The following RTN4 variants were observed in gnomAD, a reference collection of about 807,000 sequenced individuals.
RTN4 encodes the protein reticulon 4.
RTN4 carries 32 observed loss-of-function variants against 90.4 expected under a neutral mutation model. That is an observed-to-expected ratio of 0.35 (90% CI 0.27 to 0.48). The LOEUF (loss-of-function observed/expected upper bound fraction) is 0.48, where lower values mean the gene tolerates loss of function less well. RTN4 is among the 20% of genes least tolerant of loss of function. The probability of loss-of-function intolerance (pLI) is 0.99; values close to 1 mark genes in which losing one functional copy is unlikely to be tolerated. For missense variants in RTN4, 1,706 were observed against 1,430.2 expected, an observed-to-expected ratio of 1.19 and a Z score of -3.11; for synonymous variants, 629 against 552.5, an observed-to-expected ratio of 1.14 and a Z score of -1.94.
Position 55,026,367 on chromosome 2 carries a change from C to T in RTN4, c.1732G>A (p.Asp578Asn). 6.2e-7 allele frequency: 1 copy of T among 1,613,884 alleles called. No individual in the cohort carries two copies. The highest frequency in any genetic ancestry group is 8.5e-7 in the Non-Finnish European group (1 of 1,179,892). The change falls in exon 3 of 9, where the codon GAC (aspartate) becomes AAC (asparagine). Residue 578 changes from aspartate (D) to asparagine (N), a missense_variant. Physicochemically the swap from Asp to Asn is conservative, Grantham distance 23. Coordinates refer to ENST00000337526, the MANE Select transcript of RTN4 (RefSeq NM_020532.5). ...ATAACTTCTGATGTTTGAACCAAGT[C>T]CATTTTTGTTTCATAAGCAATCTTT... ...GTKIAYETKM[D>N]LVQTSEVMQE...
intron 1 of RTN4, among the ~76,000 whole-genome samples, chr2:55,037,459 T>G (rs1682770581): frequency 6.6e-6 from 1 of 152,228 alleles, no homozygotes. Flanking sequence ...TTCCCTAAGC[T>G]TAAGATTTCT....
chr2:55,108,708 A>G (rs1667986589), intron 1 of RTN4, among the ~76,000 whole-genome samples: 1 of 152,138 alleles, frequency 6.6e-6, no homozygotes, highest in African/African-American at 2.4e-5. Context: ...AGAAATAAAT[A>G]TTTAGGTTGG....
At chr2:54,977,544 A>G (rs2104615623) in intron 5 of RTN4, among the ~76,000 whole-genome samples, 1 of 152,198 alleles carries the variant, frequency 6.6e-6, no homozygotes, top group East Asian at 1.9e-4. Context: ...AAATTATTAG[A>G]CAGCTTTTTG....
upstream of RTN4, chr2:55,050,734 A>T (rs913103966): frequency 6.5e-6 from 1 of 153,822 alleles, no homozygotes; most frequent in Non-Finnish European, 1.4e-5. The surrounding 1 kb of genome is among the most constrained non-coding windows in gnomAD (Gnocchi z 4.6). Context: ...GATTGCGTTC[A>T]ATGGGCGGGG....
Position 55,026,035 on chromosome 2 carries a change from T to C in RTN4, c.2064A>G (p.Gln688=), listed in dbSNP as rs753403397. ...KEPENINAAL[Q]ETEAPYISIA... ...TAGATATATAAGGAGCTTCTGTTTCTTGAAGAGCTGCATTAATATTTTCAG... is the reference window on the plus strand; with the variant it reads ...TAGATATATAAGGAGCTTCTGTTTCCTGAAGAGCTGCATTAATATTTTCAG... The change falls in exon 3 of 9, where the codon CAA becomes CAG. Residue 688 remains glutamine, a synonymous_variant. Coordinates refer to ENST00000337526, the MANE Select transcript of RTN4 (RefSeq NM_020532.5). 8.7e-6 allele frequency: 14 copies of C among 1,611,376 alleles called. No individual in the cohort carries two copies. The highest frequency in any genetic ancestry group is 1.1e-5 in the Non-Finnish European group (13 of 1,179,358).
intron 1 of RTN4, among the ~76,000 whole-genome samples, chr2:55,102,838 G>T (rs1667875974): frequency 6.6e-6 from 1 of 152,104 alleles, no homozygotes; most frequent in Admixed American, 6.5e-5. Context: ...TACTATCGTG[G>T]CCGGGTGCGG....
intron 3 of RTN4, among the ~76,000 whole-genome samples, chr2:55,005,884 G>A (rs181204752): frequency 1.3e-5 from 2 of 152,202 alleles, no homozygotes; most frequent in Non-Finnish European, 2.9e-5. Context: ...AAGTATTTAT[G>A]TGTGGAATTT....
chr2:55,054,703 A>G (rs529486429), upstream of RTN4, among the ~76,000 whole-genome samples: 1 of 152,266 alleles, frequency 6.6e-6, no homozygotes, highest in Non-Finnish European at 1.5e-5. Flanking sequence ...AGAGCAGTCA[A>G]CCACAGCTTT....
chr2:55,050,803 G>C (rs1217703141), upstream of RTN4: 1 of 64,396 alleles, frequency 1.6e-5, no homozygotes, highest in African/African-American at 7.3e-5. This position sits in a 1 kb window ranked among gnomAD's most constrained non-coding sequence, Gnocchi z 4.6. Flanking sequence ...TGGGGTCTTG[G>C]CCTTGCCCGC....
intron 3 of RTN4, among the ~76,000 whole-genome samples, chr2:55,023,916 C>A (rs905154946): frequency 4.6e-5 from 7 of 152,070 alleles, no homozygotes; most frequent in Non-Finnish European, 8.8e-5. Flanking sequence ...AAGTAGTCCT[C>A]TTCTCTTGAT....
intron 3 of RTN4, among the ~76,000 whole-genome samples, chr2:55,003,846 G>A (rs908846463): frequency 3.3e-5 from 5 of 152,160 alleles, no homozygotes; most frequent in Middle Eastern, 3.4e-3. Flanking sequence ...TAGGTTTTAC[G>A]AAAATACTGC....
chr2:55,066,551 C>T (rs982765698), intron 2 of RTN4, among the ~76,000 whole-genome samples: 6 of 151,904 alleles, frequency 3.9e-5, no homozygotes, highest in Middle Eastern at 3.4e-3. Context: ...AAAAATTATC[C>T]GGGCATGGTG....
In RTN4 at chr2:55,049,842, G is replaced by A; in HGVS notation, c.459C>T (p.Pro153=). ...PPPPPPASVS[P]QAEPVWTPPA... ...GCGGGGTCCACACGGGCTCTGCCTG[G>A]GGGCTCACGCTGGCCGGGGGAGGAG... Residue 153 remains proline, a synonymous_variant, in exon 1 of 9, where the codon CCC becomes CCT. Coordinates refer to ENST00000337526, the MANE Select transcript of RTN4 (RefSeq NM_020532.5). 7.6e-7 allele frequency: 1 copy of A among 1,316,518 alleles called. No homozygotes were observed. The highest frequency in any genetic ancestry group is 9.6e-7 in the Non-Finnish European group (1 of 1,036,512). 81.6% of individuals were successfully genotyped at this position (1,316,518 alleles called of 1,614,324 possible). A position where few individuals can be genotyped will look rare whatever the true frequency, so the allele number is the denominator to read the frequency against.
the RTN4 span, among the ~76,000 whole-genome samples, chr2:55,131,745 G>T: frequency 6.6e-6 from 1 of 152,010 alleles, no homozygotes; most frequent in Admixed American, 6.5e-5. Context: ...TTAGCCGGGC[G>T]TGGTGGTGTG....
At chr2:55,050,988 T>C (rs1668075989), upstream of RTN4, among the ~76,000 whole-genome samples, 1 of 152,192 alleles carries the variant, frequency 6.6e-6, no homozygotes, top group African/African-American at 2.4e-5. The surrounding 1 kb of genome is among the most constrained non-coding windows in gnomAD (Gnocchi z 4.6). Context: ...TTAGCGGGAC[T>C]GGGAAGTGGG....
intron 1 of RTN4, chr2:55,049,193 G>C: frequency 1.0e-6 from 1 of 986,592 alleles, no homozygotes; most frequent in Non-Finnish European, 1.2e-6. Flanking sequence ...ACGAGCACAG[G>C]AGGAGGGGGA....
chr2:55,077,816 G>A (rs957497900), intron 2 of RTN4, among the ~76,000 whole-genome samples: 14 of 144,604 alleles, frequency 9.7e-5, no homozygotes, highest in Admixed American at 3.5e-4. Context: ...AATACTACTC[G>A]GCCATAAAAA....
chr2:55,042,008 A>C (rs1683107837), intron 1 of RTN4, among the ~76,000 whole-genome samples: 1 of 152,118 alleles, frequency 6.6e-6, no homozygotes, highest in Non-Finnish European at 1.5e-5. Context: ...GTGAATCTAC[A>C]TACATGAGAC....
At chr2:55,028,332 T>C in intron 1 of RTN4, 112 bp from the exon 2 acceptor site, 2 of 868,106 alleles carry the variant, frequency 2.3e-6, no homozygotes, top group Non-Finnish European at 3.5e-6. Context: ...CAAAAAACTT[T>C]ACAGAGAAAG....
Sources: allele counts gnomAD v4.1 joint callset (sites outside exome capture counted in the v4.1 genomes callset), GRCh38; gene constraint gnomAD v4.1.1; non-coding constraint Gnocchi (gnomAD v3.1); transcripts MANE v1.5; gene names NCBI Gene and HGNC (gene_info 2026-07-23, HGNC 2026-07-21).